Variants in CDH13 observed in about 807,000 individuals in gnomAD.
CDH13 encodes the protein cadherin-13.
Under a neutral mutation model 63.8 loss-of-function variants are expected in CDH13, and 24 were observed. The ratio of observed to expected loss-of-function variants is 0.38; its 90% CI spans 0.27 to 0.53. CDH13 has a LOEUF of 0.53. Ranked by LOEUF, CDH13 falls within the 20% of genes least tolerant of loss-of-function variation. The probability of loss-of-function intolerance (pLI) is 0.85; values close to 1 mark genes in which losing one functional copy is unlikely to be tolerated. For missense variants in CDH13, 1,049 were observed against 903.1 expected, an observed-to-expected ratio of 1.16 and a Z score of -2.07; for synonymous variants, 503 against 355.3, an observed-to-expected ratio of 1.42 and a Z score of -4.67.
intron 2 of CDH13, among the ~76,000 whole-genome samples, chr16:83,014,991 G>C (rs1473675417): frequency 6.7e-6 from 1 of 150,116 alleles, no homozygotes; most frequent in African/African-American, 2.4e-5. Context: ...AGAGCAGATA[G>C]ATCCATACTA....
chr16:83,783,351 T>C lies in CDH13; in HGVS notation c.2013T>C (p.Asn671=). The C allele has an allele frequency of 1.9e-6, 3 of 1,613,962 alleles. No homozygotes were observed. The highest frequency in any genetic ancestry group is 2.5e-6 in the Non-Finnish European group (3 of 1,179,848). The part of the protein sequence containing the change: ...VTDSGKPPMT[N]ITDLRVQVCS... ...ATTCAGGGAAACCACCCATGACGAA[T>C]ATCACAGATCTCAGGGTACAAGTGT... The change falls in exon 13 of 14, where the codon AAT becomes AAC. Residue 671 remains asparagine, a synonymous_variant. Coordinates refer to ENST00000567109, the MANE Select transcript of CDH13 (RefSeq NM_001257.5).
chr16:83,775,016 G>C (rs1915010567), intron 11 of CDH13, among the ~76,000 whole-genome samples: 1 of 151,336 alleles, frequency 6.6e-6, no homozygotes, highest in Non-Finnish European at 1.5e-5. Context: ...TAATAACCTG[G>C]AATTATGGTT....
At chr16:83,306,909 C>A (rs964318109) in intron 5 of CDH13, among the ~76,000 whole-genome samples, 1 of 152,154 alleles carries the variant, frequency 6.6e-6, no homozygotes, top group Non-Finnish European at 1.5e-5. Flanking sequence ...ACAATCAGAC[C>A]TATCCGTAAA....
At chr16:83,516,999 G>A (rs193202724) in intron 7 of CDH13, among the ~76,000 whole-genome samples, 1 of 152,192 alleles carries the variant, frequency 6.6e-6, no homozygotes, top group Non-Finnish European at 1.5e-5. Context: ...GAAATTGCTG[G>A]TGTAGTTAAA....
intron 3 of CDH13, among the ~76,000 whole-genome samples, chr16:83,098,714 C>T (rs1184931058): frequency 1.3e-5 from 2 of 152,208 alleles, no homozygotes; most frequent in Non-Finnish European, 2.9e-5. Context: ...GCTAACAAGA[C>T]ATCTGCTGTC....
intron 5 of CDH13, among the ~76,000 whole-genome samples, chr16:83,260,083 C>G (rs1479207346): frequency 1.5e-5 from 2 of 136,286 alleles, no homozygotes; most frequent in South Asian, 2.5e-4. Flanking sequence ...TTTTTTGTAA[C>G]CATGTACCCC....
chr16:82,766,679 A>G (rs1356500386), intron 1 of CDH13, among the ~76,000 whole-genome samples: 1 of 152,228 alleles, frequency 6.6e-6, no homozygotes, highest in Non-Finnish European at 1.5e-5. Context: ...ACCATATATC[A>G]TTATCCAATA....
chr16:82,871,387 A>G (rs17741493), intron 2 of CDH13, among the ~76,000 whole-genome samples: 40,252 of 152,000 alleles, frequency 0.26, 6,327 homozygotes, highest in Non-Finnish European at 0.36. Context: ...TTGTATGTAT[A>G]TCAGAGGAGA....
intron 2 of CDH13, among the ~76,000 whole-genome samples, chr16:82,991,232 A>C (rs903339096): frequency 6.2e-4 from 95 of 152,358 alleles, no homozygotes; most frequent in Admixed American, 4.6e-3. Context: ...CATTCAACTG[A>C]AAAATTGATC....
chr16:82,906,295 T>A (rs970470364), intron 2 of CDH13, among the ~76,000 whole-genome samples: 2 of 152,174 alleles, frequency 1.3e-5, no homozygotes, highest in East Asian at 3.9e-4. Flanking sequence ...CAGACCTCCA[T>A]GGTGGCCATG....
intron 6 of CDH13, among the ~76,000 whole-genome samples, chr16:83,473,569 A>C (rs1234661068): frequency 2.4e-4 from 36 of 152,164 alleles, no homozygotes; most frequent in Admixed American, 2.2e-3. Flanking sequence ...CCTGCACTAC[A>C]ACTCAAGGAT....
chr16:83,094,774 G>C (rs1035121205), intron 3 of CDH13, among the ~76,000 whole-genome samples: 1 of 152,134 alleles, frequency 6.6e-6, no homozygotes, highest in African/African-American at 2.4e-5. Flanking sequence ...ATTTAAAGTT[G>C]GTGACTTCCT....
chr16:82,661,795 C>T (rs1337504647), intron 1 of CDH13, among the ~76,000 whole-genome samples: 1 of 152,226 alleles, frequency 6.6e-6, no homozygotes, highest in Non-Finnish European at 1.5e-5. Flanking sequence ...CTAGTACACA[C>T]ACAGATGTGT....
chr16:83,116,201 G>A (rs1405236091), intron 3 of CDH13, among the ~76,000 whole-genome samples: 2 of 152,186 alleles, frequency 1.3e-5, no homozygotes, highest in African/African-American at 2.4e-5. Flanking sequence ...TCCCCATTTG[G>A]TCTTGACATT....
At chr16:82,742,741 C>G (rs954057219) in intron 1 of CDH13, among the ~76,000 whole-genome samples, 2 of 152,122 alleles carry the variant, frequency 1.3e-5, no homozygotes, top group African/African-American at 4.8e-5. Flanking sequence ...AACGCATGCT[C>G]CCAGCAGAAA....
chr16:83,443,717 AAAAAAAAAAAAAAAAAAAAT>A (rs1240232576), intron 6 of CDH13, among the ~76,000 whole-genome samples: 2,461 of 98,624 alleles, frequency 0.025, 32 homozygotes, highest in African/African-American at 0.074. Context: ...AAAAAAAAAA[AAAAAAAAAAAAAAAAAAAAT>A]ATATATATAT....
chr16:83,057,957 C>G (rs929945812), intron 3 of CDH13, among the ~76,000 whole-genome samples: 4 of 152,096 alleles, frequency 2.6e-5, no homozygotes, highest in South Asian at 4.1e-4. Context: ...AAATGTCTTA[C>G]AAATGATATT....
At chr16:82,981,359 T>G (rs1910239052) in intron 2 of CDH13, among the ~76,000 whole-genome samples, 1 of 152,084 alleles carries the variant, frequency 6.6e-6, no homozygotes, top group African/African-American at 2.4e-5. Context: ...TTCTTCCGTC[T>G]CACCATGAAT....
intron 7 of CDH13, among the ~76,000 whole-genome samples, chr16:83,540,470 C>T (rs2075278515): frequency 6.6e-6 from 1 of 152,150 alleles, no homozygotes; most frequent in Non-Finnish European, 1.5e-5. Flanking sequence ...TCTTTCTACC[C>T]AATAAATACA....
Sources: allele counts gnomAD v4.1 joint callset (sites outside exome capture counted in the v4.1 genomes callset), GRCh38; gene constraint gnomAD v4.1.1; transcripts MANE v1.5; gene names NCBI Gene and HGNC (gene_info 2026-07-23, HGNC 2026-07-21).